The following ZCCHC24 variants were observed in gnomAD, a reference collection of about 807,000 sequenced individuals.
ZCCHC24 encodes zinc finger CCHC-type containing 24, also known as zinc finger CCHC domain-containing protein 24.
Under a neutral mutation model 26.2 loss-of-function variants are expected in ZCCHC24, and 10 were observed. That is an observed-to-expected ratio of 0.38 (90% CI 0.24 to 0.65). The LOEUF is 0.65. Among genes scored for constraint, ZCCHC24 ranks in the 30% least tolerant of loss-of-function variants. ZCCHC24 has a pLI of 0.54. For synonymous variants in ZCCHC24, 144 were observed against 147.1 expected (o/e 0.98, Z 0.15); for missense variants, 243 against 329.1 (o/e 0.74, Z 2.03).
At chr10:79,417,779 C>T (rs1856884375) in intron 2 of ZCCHC24, among the ~76,000 whole-genome samples, 1 of 152,218 alleles carries the variant, frequency 6.6e-6, no homozygotes, top group Non-Finnish European at 1.5e-5. Context: ...CTCCTCACCC[C>T]CATTCCATGC....
At chr10:79,443,723 G>A (rs920833227) in intron 1 of ZCCHC24, among the ~76,000 whole-genome samples, 4 of 152,218 alleles carry the variant, frequency 2.6e-5, no homozygotes, top group African/African-American at 7.2e-5. Context: ...TCCCTGAAGA[G>A]GCAGAAAAGT....
At chr10:79,440,172 T>C (rs1857272928) in intron 1 of ZCCHC24, among the ~76,000 whole-genome samples, 1 of 152,188 alleles carries the variant, frequency 6.6e-6, no homozygotes, top group Admixed American at 6.5e-5. Flanking sequence ...GTCTTGGTTC[T>C]GCCTCTGATT....
Position 79,443,088 on chromosome 10 carries a change from G to C in ZCCHC24, c.246+2107C>G, listed in dbSNP as rs555399491. Among the ~76,000 whole-genome samples the C allele has an allele frequency of 9.2e-5, 14 of 152,272 alleles. 1 individual carries two copies. In the South Asian group the frequency reaches 2.9e-3, roughly 32 times the overall value. ...AGCAGAGACTAAATTTAACAGATAGGTAAGCTAAGGCCCAGAGAGAGACGG... is the reference window on the plus strand; with the variant it reads ...AGCAGAGACTAAATTTAACAGATAGCTAAGCTAAGGCCCAGAGAGAGACGG... On this transcript the variant is annotated intron_variant, in intron 1 of 3. Transcript: ENST00000372336.
chr10:79,388,252 T>C (rs996014438), intron 3 of ZCCHC24, among the ~76,000 whole-genome samples: 1 of 152,032 alleles, frequency 6.6e-6, no homozygotes, highest in East Asian at 1.9e-4. Context: ...GTCGTTTGTC[T>C]TATCGGTGGG....
Position 79,445,178 on chromosome 10 carries a change from C to T in ZCCHC24, c.246+17G>A, listed in dbSNP as rs1000903503. The T allele has an allele frequency of 6.9e-5, 80 of 1,167,074 alleles. No individual in the cohort carries two copies. The Admixed American group carries it at 8.1e-4, about 12-fold the overall frequency. The allele number at this position is 1,167,074 out of a possible 1,614,324, so 72.3% of individuals were successfully genotyped here. A position where few individuals can be genotyped will look rare whatever the true frequency, so the allele number is the denominator to read the frequency against. On this transcript the variant is annotated intron_variant, in intron 1 of 3. Coordinates refer to ENST00000372336, the MANE Select transcript of ZCCHC24 (RefSeq NM_153367.4). ...GGGGCGGTGGGGCGGTGGGCGGGGG[C>T]GCGCGGGGGCACCCACCTCTCCGCG...
intron 3 of ZCCHC24, among the ~76,000 whole-genome samples, chr10:79,390,974 G>A (rs1256762643): frequency 6.6e-6 from 1 of 152,184 alleles, no homozygotes; most frequent in African/African-American, 2.4e-5. Flanking sequence ...GGGGGATAGA[G>A]AGGCACCACT....
chr10:79,444,174 C>T, intron 1 of ZCCHC24: 2 of 1,537,492 alleles, frequency 1.3e-6, no homozygotes, highest in South Asian at 2.4e-5. Flanking sequence ...TGCATCTTTG[C>T]AGAGAAAACC....
At position 79,445,317 on chromosome 10, in the gene ZCCHC24, G is replaced by T. The variant is rs1196318378; in HGVS notation, c.124C>A (p.Pro42Thr). 1 of 1,516,658 alleles carries T rather than the reference G, an allele frequency of 6.6e-7. No homozygotes were observed. Among genetic ancestry groups the T allele is most frequent in the Non-Finnish European group, 8.8e-7 (1 of 1,134,158 alleles). 94.0% of individuals were successfully genotyped at this position (1,516,658 alleles called of 1,614,324 possible). The change falls in exon 1 of 4, where the codon CCC (proline) becomes ACC (threonine). Residue 42 changes from proline to threonine, a missense_variant. This residue lies in a region of ZCCHC24 where 147 missense variants were observed against 150.8 expected (regional missense o/e 0.97). Coordinates refer to ENST00000372336, the MANE Select transcript of ZCCHC24 (RefSeq NM_153367.4). ...GGTGCGGCGCCGGCGGTCGGCTCGG[G>T]CCGGAAGGCATCGAAGGCGCTAGCC... ...HQASAFDAFR[P>T]EPTAGAAPPE...
chr10:79,442,941 G>A (rs1489979711), intron 1 of ZCCHC24, among the ~76,000 whole-genome samples: 1 of 152,110 alleles, frequency 6.6e-6, no homozygotes, highest in East Asian at 1.9e-4. Flanking sequence ...AGCAGGCACA[G>A]CCCTCCATCA....
In ZCCHC24 at chr10:79,394,578, A is replaced by C. The variant is rs180814364; in HGVS notation, c.448-138T>G. The C allele has an allele frequency of 4.5e-4, 641 of 1,436,860 alleles. 4 individuals carry two copies. In the African/African-American group the frequency reaches 8.2e-3, roughly 18 times the overall value. 89.0% of individuals were successfully genotyped at this position (1,436,860 alleles called of 1,614,324 possible). On this transcript the variant is annotated intron_variant, in intron 2 of 3. Transcript: ENST00000372336. ...GCACCTTTTGTCCCCAGTCTAGATA[A>C]TACCAGGGTCATCCCCAGAGCACAG...
intron 1 of ZCCHC24, among the ~76,000 whole-genome samples, chr10:79,433,664 G>T (rs1487757054): frequency 6.6e-6 from 1 of 152,232 alleles, no homozygotes; most frequent in Non-Finnish European, 1.5e-5. Flanking sequence ...TGGGGCTTAA[G>T]TATCTCCTGG....
chr10:79,386,601 C>T (rs1856401212), intron 3 of ZCCHC24, 143 bp from the exon 4 acceptor site: 4 of 604,440 alleles, frequency 6.6e-6, no homozygotes. Context: ...CACACCTCTG[C>T]AGAGACAGAG....
chr10:79,415,723 G>C (rs1856850596), intron 2 of ZCCHC24, among the ~76,000 whole-genome samples: 1 of 152,162 alleles, frequency 6.6e-6, no homozygotes, highest in Non-Finnish European at 1.5e-5. Flanking sequence ...TTGTTGGAGT[G>C]ACAGAGGCTG....
intron 2 of ZCCHC24, among the ~76,000 whole-genome samples, chr10:79,423,589 A>ATATTTTATATATATATATATATATTT (rs1201819628): frequency 2.1e-5 from 2 of 93,104 alleles, no homozygotes; most frequent in African/African-American, 3.4e-5. Context: ...TACTATATAT[A>ATATTTTATATATATATATATATATTT]TATATATATA....
chr10:79,424,554 C>T (rs988608227), intron 2 of ZCCHC24, among the ~76,000 whole-genome samples: 2 of 152,216 alleles, frequency 1.3e-5, no homozygotes, highest in African/African-American at 4.8e-5. Context: ...GTCCAGTCAT[C>T]AGTCCCTATC....
intron 2 of ZCCHC24, among the ~76,000 whole-genome samples, 174 bp downstream of exon 2, chr10:79,432,384 A>T (rs1336850264): frequency 2.0e-5 from 3 of 152,232 alleles, no homozygotes; most frequent in Non-Finnish European, 4.4e-5. Flanking sequence ...CACACCAGCC[A>T]GCCTTGCCTC....
intron 3 of ZCCHC24, among the ~76,000 whole-genome samples, chr10:79,387,135 A>G (rs1335421835): frequency 1.3e-5 from 2 of 152,042 alleles, no homozygotes; most frequent in African/African-American, 4.8e-5. Context: ...CCAGTGCCCT[A>G]TTTGTTGAGG....
chr10:79,422,654 G>A (rs1012100944), intron 2 of ZCCHC24, among the ~76,000 whole-genome samples: 2 of 152,188 alleles, frequency 1.3e-5, no homozygotes, highest in African/African-American at 4.8e-5. Flanking sequence ...GATGGGTGGG[G>A]GCGATGATTG....
intron 2 of ZCCHC24, among the ~76,000 whole-genome samples, chr10:79,411,020 T>C (rs904164322): frequency 1.3e-5 from 2 of 151,710 alleles, no homozygotes; most frequent in South Asian, 2.1e-4. Flanking sequence ...AAGGCCAGGG[T>C]GGAGCAAGGG....
Sources: gnomAD v4.1 joint callset for allele counts (sites outside exome capture counted in the v4.1 genomes callset) on GRCh38, gnomAD v4.1.1 for gene constraint, gnomAD v4.1.1 regional missense constraint, MANE v1.5 for transcripts, NCBI Gene and HGNC (gene_info 2026-07-23, HGNC 2026-07-21) for gene names.